The following CIT variants were observed in gnomAD, a reference collection of about 807,000 sequenced individuals.
The protein encoded by CIT is citron rho-interacting serine/threonine kinase, also known as citron Rho-interacting kinase.
In CIT, 79 loss-of-function variants were observed where a neutral mutation model predicts 272.7. That is an observed-to-expected ratio of 0.29 (90% CI 0.24 to 0.35). The LOEUF (loss-of-function observed/expected upper bound fraction) is 0.35. Among genes scored for constraint, CIT ranks in the 10% least tolerant of loss-of-function variants. The pLI is 1.00. For missense variants in CIT, 1,909 were observed against 2,618.3 expected (o/e 0.73, Z 5.91); for synonymous variants, 948 against 995.6 (o/e 0.95, Z 0.90).
At chr12:119,876,774 A>G (rs1256529308) in intron 1 of CIT, among the ~76,000 whole-genome samples, 1 of 152,214 alleles carries the variant, frequency 6.6e-6, no homozygotes. Flanking sequence ...GCACTGAGGC[A>G]GGACCTGGCC....
chr12:119,820,421 C>T (rs1268760568), intron 9 of CIT, among the ~76,000 whole-genome samples: 32 of 151,990 alleles, frequency 2.1e-4, no homozygotes, highest in Non-Finnish European at 4.4e-5. Flanking sequence ...CATGGTGGCG[C>T]ACACCTGTGG....
rs145555888 is a variant in CIT at position 119,854,596 on chromosome 12, C to A, written c.414+2927G>T. On this transcript the variant is annotated intron_variant, in intron 4 of 47. Coordinates refer to ENST00000392521, the MANE Select transcript of CIT (RefSeq NM_001206999.2). ...AGGCAGAGGTTGCAGTGAGTGAGAT[C>A]CGGCCACTGAACTCCAGCGGACTCT... Among the ~76,000 whole-genome samples, 875 of 151,980 alleles carry A rather than the reference C, an allele frequency of 5.8e-3. 4 individuals are homozygous for A. Among genetic ancestry groups the A allele is most frequent in the Middle Eastern group, 0.01 (3 of 294 alleles).
At chr12:119,733,097 T>G (rs2137240271) in intron 26 of CIT, among the ~76,000 whole-genome samples, 1 of 152,172 alleles carries the variant, frequency 6.6e-6, no homozygotes, top group Non-Finnish European at 1.5e-5. Flanking sequence ...CCCTTAGAAC[T>G]ATGGAGTATG....
At position 119,730,504 on chromosome 12, in the gene CIT, G is replaced by C. The variant is rs754479455; in HGVS notation, c.3477C>G (p.Leu1159=). 1.2e-6 allele frequency: 2 copies of C among 1,612,002 alleles called. No homozygotes were observed. Among genetic ancestry groups the C allele is most frequent in the African/African-American group, 2.7e-5 (2 of 74,934 alleles). Residue 1159 remains leucine (L), a synonymous_variant, in exon 27 of 48, where the codon CTC becomes CTG. Coordinates refer to ENST00000392521, the MANE Select transcript of CIT (RefSeq NM_001206999.2). ...AGGGGTGGGCGCTGACCTTGTCAGA[G>C]AGGCTCTCGGCCTTCAGCTTCTGCT... ...LKEQKLKAES[L]SDKLNDLEKK...
chr12:119,811,846 A>C (rs203357), intron 9 of CIT, among the ~76,000 whole-genome samples: 9,608 of 152,202 alleles, frequency 0.063, 983 homozygotes, highest in African/African-American at 0.22. Context: ...TACTCAGAAG[A>C]GGAACGTTTC....
chr12:119,762,447 G>A (rs1352287793), intron 19 of CIT, among the ~76,000 whole-genome samples: 1 of 152,170 alleles, frequency 6.6e-6, no homozygotes, highest in Non-Finnish European at 1.5e-5. Flanking sequence ...GCTGGAACAG[G>A]AAACACAAAG....
rs151002421 is a variant in CIT at position 119,712,816 on chromosome 12, C to T, written c.4580-121G>A. 3.3e-5 allele frequency: 24 copies of T among 735,522 alleles called. No homozygotes were observed. Among genetic ancestry groups the T allele is most frequent in the Admixed American group, 5.1e-5 (2 of 39,292 alleles). 45.6% of individuals were successfully genotyped at this position (735,522 alleles called of 1,614,324 possible). A position where few individuals can be genotyped will look rare whatever the true frequency, so the allele number is the denominator to read the frequency against. ...GACAGGGTACGTGTGTAAAGAGAGG[C>T]GCACGAGAACAAGGAAGGGACAGAG... On this transcript the variant is annotated intron_variant, in intron 35 of 47. Transcript: ENST00000392521. The surrounding 1 kb of genome is among the most constrained non-coding windows in gnomAD (Gnocchi z 5.2).
At chr12:119,715,968 A>G (rs1400595748) in intron 32 of CIT, among the ~76,000 whole-genome samples, 1 of 152,214 alleles carries the variant, frequency 6.6e-6, no homozygotes, top group Non-Finnish European at 1.5e-5. Context: ...GGTGCAGTAT[A>G]CACAAAGGAG....
At position 119,718,925 on chromosome 12, in the gene CIT, A is replaced by C; in HGVS notation, c.3841-64T>G. Reference sequence around the variant, plus strand: ...ACTGGCACTTGAAACTAGCTAAAGGAAATCTGACTCGGGAGGAGCAAACCA... The same window carrying C: ...ACTGGCACTTGAAACTAGCTAAAGGCAATCTGACTCGGGAGGAGCAAACCA... On this transcript the variant is annotated intron_variant, in intron 30 of 47. Coordinates refer to ENST00000392521, the MANE Select transcript of CIT (RefSeq NM_001206999.2). This position sits in a 1 kb window ranked among gnomAD's most constrained non-coding sequence, Gnocchi z 4.8. The C allele has an allele frequency of 6.4e-7, 1 of 1,550,978 alleles. No homozygotes were observed. Among genetic ancestry groups the C allele is most frequent in the Non-Finnish European group, 8.9e-7 (1 of 1,128,800 alleles).
intron 23 of CIT, among the ~76,000 whole-genome samples, chr12:119,745,335 T>A (rs1405779172): frequency 1.7e-5 from 1 of 60,500 alleles, no homozygotes; most frequent in Non-Finnish European, 3.2e-5. Context: ...AGTAAAGCAA[T>A]ATCTTCAAAG....
At chr12:119,773,226 T>A (rs1378102178) in intron 16 of CIT, among the ~76,000 whole-genome samples, 2 of 152,172 alleles carry the variant, frequency 1.3e-5, no homozygotes, top group Admixed American at 6.5e-5. Context: ...TAATGGTGTA[T>A]CTGACCATCA....
At chr12:119,815,109 C>CA (rs1232842569) in intron 9 of CIT, among the ~76,000 whole-genome samples, 11 of 17,330 alleles carry the variant, frequency 6.3e-4, no homozygotes, top group African/African-American at 1.6e-3. Context: ...ACACACAACA[C>CA]ACACACACAC....
At chr12:119,706,159 G>C (rs1201400559) in intron 40 of CIT, among the ~76,000 whole-genome samples, 1 of 152,062 alleles carries the variant, frequency 6.6e-6, no homozygotes, top group Admixed American at 6.6e-5. Context: ...TCTTCTGAGG[G>C]TCAAAATGCG....
intron 9 of CIT, among the ~76,000 whole-genome samples, chr12:119,817,808 C>T (rs1967335299): frequency 6.6e-6 from 1 of 151,746 alleles, no homozygotes; most frequent in Non-Finnish European, 1.5e-5. Flanking sequence ...GGCATGGTGG[C>T]TCATATCTGT....
intron 17 of CIT, among the ~76,000 whole-genome samples, chr12:119,771,525 A>C (rs957327832): frequency 6.6e-6 from 1 of 152,174 alleles, no homozygotes. Flanking sequence ...GGGGAAGGGC[A>C]GGTGAAAAGC....
chr12:119,827,652 TGG>T (rs1486675963), intron 7 of CIT, among the ~76,000 whole-genome samples: 5 of 152,164 alleles, frequency 3.3e-5, no homozygotes, highest in African/African-American at 1.2e-4. Context: ...TTGGCCAGGA[TGG>T]TCTCGATCTC....
In CIT at chr12:119,832,842, G is replaced by C. The variant is rs780986528; in HGVS notation, c.682C>G (p.Leu228Val). The C allele has an allele frequency of 1.1e-5, 17 of 1,613,822 alleles. No homozygotes were observed. Among genetic ancestry groups the C allele is most frequent in the Middle Eastern group, 3.3e-4 (2 of 6,084 alleles). Residue 228 changes from leucine (L) to valine (V), a missense_variant, in exon 7 of 48, where the codon CTC becomes GTC. Physicochemically the swap from Leu to Val is conservative, Grantham distance 32. Coordinates refer to ENST00000392521, the MANE Select transcript of CIT (RefSeq NM_001206999.2). ...VHRDIKPENILVDRTGHIKLV... is the reference protein window; with the variant it reads ...VHRDIKPENIVVDRTGHIKLV... ...TTGATGTGTCCTGTGCGGTCAACGA[G>C]AATGTTCTCAGGCTTGATGTCTCTG...
intron 7 of CIT, among the ~76,000 whole-genome samples, chr12:119,825,720 AATG>A (rs1968110099): frequency 6.6e-6 from 1 of 152,182 alleles, no homozygotes; most frequent in African/African-American, 2.4e-5. Flanking sequence ...ATAACAGCAA[AATG>A]ATAATAAACT....
intron 44 of CIT, chr12:119,699,918 T>C (rs1435898585): frequency 2.2e-6 from 1 of 455,988 alleles, no homozygotes; most frequent in Non-Finnish European, 4.4e-6. Context: ...TACATACTTG[T>C]ATGTGTATGT....
Sources: allele counts gnomAD v4.1 joint callset (sites outside exome capture counted in the v4.1 genomes callset), GRCh38; gene constraint gnomAD v4.1.1; non-coding constraint Gnocchi (gnomAD v3.1); transcripts MANE v1.5; gene names NCBI Gene and HGNC (gene_info 2026-07-23, HGNC 2026-07-21).